MACROD2: variants seen among roughly 807,000 people sequenced by gnomAD.
MACROD2 encodes the protein mono-ADP ribosylhydrolase 2.
MACROD2 carries 36 observed loss-of-function variants against 70.4 expected under a neutral mutation model. That is an observed-to-expected ratio of 0.51 (90% CI 0.39 to 0.68). MACROD2 has a LOEUF of 0.68. Ranked by LOEUF, MACROD2 falls within the 30% of genes least tolerant of loss-of-function variation. The pLI is 0.00. For missense variants in MACROD2, 496 were observed against 538.4 expected, an observed-to-expected ratio of 0.92 and a Z score of 0.78; for synonymous variants, 172 against 178.8, an observed-to-expected ratio of 0.96 and a Z score of 0.30.
chr20:14,620,726 A>G (rs1466631548), intron 4 of MACROD2, among the ~76,000 whole-genome samples: 1 of 152,102 alleles, frequency 6.6e-6, no homozygotes. Context: ...TAGACAGAAA[A>G]CATAATTTAG....
chr20:16,021,376 C>T (rs185552802), intron 15 of MACROD2, among the ~76,000 whole-genome samples: 5 of 152,266 alleles, frequency 3.3e-5, no homozygotes, highest in Admixed American at 3.3e-4. Flanking sequence ...GTTAGGAGAG[C>T]ACAGGGCTCA....
intron 3 of MACROD2, among the ~76,000 whole-genome samples, chr20:14,248,589 A>G (rs1034941911): frequency 1.3e-5 from 2 of 152,086 alleles, no homozygotes; most frequent in African/African-American, 4.8e-5. Context: ...TCTCAAAATA[A>G]TAATAATAAT....
intron 8 of MACROD2, among the ~76,000 whole-genome samples, chr20:15,566,484 T>C (rs1210129496): frequency 2.0e-5 from 3 of 149,780 alleles, no homozygotes; most frequent in Non-Finnish European, 3.0e-5. Flanking sequence ...GGCAACAGAG[T>C]GAGACTCTGT....
chr20:14,940,363 A>G (rs2074379945), intron 5 of MACROD2, among the ~76,000 whole-genome samples: 1 of 151,948 alleles, frequency 6.6e-6, no homozygotes, highest in African/African-American at 2.4e-5. Flanking sequence ...CATACACGCA[A>G]ACACAAACCA....
At chr20:15,986,871 C>CTGTG in intron 14 of MACROD2, 70 bp downstream of exon 14, 1 of 1,232,780 alleles carries the variant, frequency 8.1e-7, no homozygotes, top group South Asian at 1.2e-5. Flanking sequence ...CTATATATAC[C>CTGTG]TGTGTGTGTG....
At chr20:15,054,630 G>T (rs1236496788) in intron 5 of MACROD2, among the ~76,000 whole-genome samples, 1 of 152,222 alleles carries the variant, frequency 6.6e-6, no homozygotes, top group South Asian at 2.1e-4. Context: ...TCATTTTATT[G>T]TGGTGGTCTG....
chr20:15,503,060 G>A (rs755055381), intron 8 of MACROD2, among the ~76,000 whole-genome samples: 1 of 152,166 alleles, frequency 6.6e-6, no homozygotes, highest in Non-Finnish European at 1.5e-5. Flanking sequence ...CAGCCTTTTT[G>A]TATGTTCAGA....
chr20:14,380,891 T>C (rs994027556), intron 3 of MACROD2, among the ~76,000 whole-genome samples: 1 of 152,220 alleles, frequency 6.6e-6, no homozygotes, highest in South Asian at 2.1e-4. Flanking sequence ...TTCAGGGCTC[T>C]TTTAGAATTT....
At chr20:14,213,360 G>GAAAAAAA in intron 3 of MACROD2, among the ~76,000 whole-genome samples, 1 of 1,192 alleles carries the variant, frequency 8.4e-4, no homozygotes, top group Non-Finnish European at 1.6e-3. Flanking sequence ...GCTTCTAGTG[G>GAAAAAAA]CAAAAAAAAA....
At chr20:15,276,534 A>C (rs1173378195) in intron 6 of MACROD2, among the ~76,000 whole-genome samples, 1 of 152,200 alleles carries the variant, frequency 6.6e-6, no homozygotes, top group Non-Finnish European at 1.5e-5. Context: ...AAGATGAGTA[A>C]GTCTTACCAT....
At chr20:14,779,961 G>A (rs936664092) in intron 5 of MACROD2, among the ~76,000 whole-genome samples, 1 of 152,102 alleles carries the variant, frequency 6.6e-6, no homozygotes, top group African/African-American at 2.4e-5. Flanking sequence ...GAGGATCTAA[G>A]TGAGTCCTCA....
intron 4 of MACROD2, among the ~76,000 whole-genome samples, chr20:14,627,554 C>A (rs977174728): frequency 6.6e-6 from 1 of 152,202 alleles, no homozygotes; most frequent in Admixed American, 6.5e-5. Context: ...CCTCAATAAA[C>A]TTCCTGCATA....
At chr20:15,256,606 T>G (rs2077201757) in intron 6 of MACROD2, among the ~76,000 whole-genome samples, 1 of 152,012 alleles carries the variant, frequency 6.6e-6, no homozygotes, top group African/African-American at 2.4e-5. Context: ...ACTTAAAACT[T>G]TTAGCTGTTT....
rs180849799 is a variant in MACROD2, at chr20:14,133,030, C to G, written c.271+47302C>G. On this transcript the variant is annotated intron_variant, in intron 3 of 17. Transcript: ENST00000684519. ...TGTGTGTGTGTGTATATGGGACTGG[C>G]TCACATGATCACATGATTATGGAGG... 9.5e-4 allele frequency among the ~76,000 whole-genome samples: 145 copies of G among 152,216 alleles called. No individual in the cohort carries two copies. The Middle Eastern group carries it at 0.01, about 11-fold the overall frequency.
At chr20:15,564,806 A>G (rs147654491) in intron 8 of MACROD2, among the ~76,000 whole-genome samples, 21 of 152,216 alleles carry the variant, frequency 1.4e-4, no homozygotes, top group Non-Finnish European at 2.5e-4. Context: ...TTATATATGT[A>G]TTTTTCCCTT....
chr20:14,474,931 G>T (rs1168005810), intron 3 of MACROD2, among the ~76,000 whole-genome samples: 1 of 151,990 alleles, frequency 6.6e-6, no homozygotes, highest in East Asian at 1.9e-4. Flanking sequence ...TTTTCTAATT[G>T]CAGAATTTAA....
chr20:15,580,844 A>G (rs2048513918), intron 8 of MACROD2, among the ~76,000 whole-genome samples: 1 of 152,178 alleles, frequency 6.6e-6, no homozygotes, highest in Non-Finnish European at 1.5e-5. Flanking sequence ...TTGGGGGATT[A>G]GTAAATGATT....
At chr20:15,529,263 G>A (rs1395277294) in intron 8 of MACROD2, among the ~76,000 whole-genome samples, 1 of 151,288 alleles carries the variant, frequency 6.6e-6, no homozygotes, top group Non-Finnish European at 1.5e-5. Flanking sequence ...TATGTGCTCT[G>A]TGGGATGCGT....
At chr20:15,071,511 A>G (rs891423797) in intron 5 of MACROD2, among the ~76,000 whole-genome samples, 8 of 152,190 alleles carry the variant, frequency 5.3e-5, no homozygotes, top group South Asian at 2.1e-4. Flanking sequence ...TTGTAATGCT[A>G]TTTGAAACTT....
Sources: allele counts gnomAD v4.1 joint callset (sites outside exome capture counted in the v4.1 genomes callset), GRCh38; gene constraint gnomAD v4.1.1; transcripts MANE v1.5; gene names NCBI Gene and HGNC (gene_info 2026-07-23, HGNC 2026-07-21).